The following HMCN1 variants were observed in gnomAD, a reference collection of about 807,000 sequenced individuals.
HMCN1 encodes hemicentin 1.
Under a neutral mutation model 625.9 loss-of-function variants are expected in HMCN1, and 321 were observed. That is an observed-to-expected ratio of 0.51 (90% CI 0.47 to 0.56). The LOEUF (loss-of-function observed/expected upper bound fraction) is 0.56, where lower values mean the gene tolerates loss of function less well. Among genes scored for constraint, HMCN1 ranks in the 20% least tolerant of loss-of-function variants. The probability of loss-of-function intolerance (pLI) is 0.00; values close to 1 mark genes in which losing one functional copy is unlikely to be tolerated. For synonymous variants in HMCN1, 2,425 were observed against 2,417.6 expected (o/e 1.00, Z -0.09); for missense variants, 6,588 against 6,887.3 (o/e 0.96, Z 1.54).
At chr1:185,825,171 C>T (rs764547163) in intron 1 of HMCN1, among the ~76,000 whole-genome samples, 4 of 152,008 alleles carry the variant, frequency 2.6e-5, no homozygotes, top group Non-Finnish European at 5.9e-5. Flanking sequence ...CAAACAGAAA[C>T]GCTGAGGAGG....
intron 63 of HMCN1, among the ~76,000 whole-genome samples, chr1:186,090,060 C>CA (rs1299150646): frequency 6.6e-6 from 1 of 151,806 alleles, no homozygotes; most frequent in African/African-American, 2.4e-5. Context: ...AAAACATGTA[C>CA]AAAATTGGCT....
intron 4 of HMCN1, among the ~76,000 whole-genome samples, chr1:185,881,489 G>C (rs1571494832): frequency 6.6e-6 from 1 of 152,152 alleles, no homozygotes; most frequent in East Asian, 1.9e-4. Flanking sequence ...GCTGAGTCTG[G>C]GGTCTTTATA....
chr1:186,116,445 G>A (rs1420779632), intron 75 of HMCN1, among the ~76,000 whole-genome samples: 1 of 145,550 alleles, frequency 6.9e-6, no homozygotes, highest in East Asian at 2.0e-4. Flanking sequence ...TACTTTTTTT[G>A]AAATAGATAT....
intron 4 of HMCN1, among the ~76,000 whole-genome samples, chr1:185,868,092 T>G (rs1422860568): frequency 1.3e-5 from 2 of 150,542 alleles, no homozygotes; most frequent in Non-Finnish European, 1.5e-5. Context: ...CCAAAACAAA[T>G]TGGGTTAAAT....
At chr1:186,172,737 A>G (rs1325162823) in intron 102 of HMCN1, among the ~76,000 whole-genome samples, 1 of 152,204 alleles carries the variant, frequency 6.6e-6, no homozygotes, top group Admixed American at 6.5e-5. Flanking sequence ...TACCATTCCC[A>G]TTCTCATTCC....
intron 10 of HMCN1, among the ~76,000 whole-genome samples, chr1:185,931,690 G>T (rs909412398): frequency 1.3e-5 from 2 of 152,098 alleles, no homozygotes; most frequent in South Asian, 4.1e-4. Context: ...TGCAGTAAGG[G>T]CCTACAGGGA....
chr1:186,065,091 T>C (rs1294773639), intron 48 of HMCN1, 147 bp from the exon 49 acceptor site: 8 of 616,526 alleles, frequency 1.3e-5, no homozygotes, highest in Non-Finnish European at 2.0e-5. Context: ...TAAGTTAGCT[T>C]GCATAGTTAT....
intron 36 of HMCN1, among the ~76,000 whole-genome samples, chr1:186,028,016 T>C (rs1032542494): frequency 6.6e-6 from 1 of 152,160 alleles, no homozygotes; most frequent in African/African-American, 2.4e-5. Flanking sequence ...ACTCTAAGAT[T>C]TTCTTGGTAT....
chr1:185,811,376 C>T (rs1312080995), intron 1 of HMCN1, among the ~76,000 whole-genome samples: 3 of 151,878 alleles, frequency 2.0e-5, no homozygotes, highest in Non-Finnish European at 4.4e-5. Context: ...AGGTGATTCT[C>T]ATAAAAGTGT....
At chr1:186,150,945 G>A (rs1271318204) in intron 93 of HMCN1, among the ~76,000 whole-genome samples, 1 of 151,868 alleles carries the variant, frequency 6.6e-6, no homozygotes, top group Non-Finnish European at 1.5e-5. Flanking sequence ...TGTATTCTTT[G>A]GCTTATGAAA....
At chr1:186,170,498 G>A (rs1056261339) in intron 100 of HMCN1, among the ~76,000 whole-genome samples, 2 of 152,126 alleles carry the variant, frequency 1.3e-5, no homozygotes, top group South Asian at 2.1e-4. Flanking sequence ...ACATGCACAC[G>A]TATGTTTATT....
chr1:185,745,597 A>T (rs1005046294), intron 1 of HMCN1, among the ~76,000 whole-genome samples: 19 of 152,306 alleles, frequency 1.2e-4, no homozygotes, highest in African/African-American at 4.6e-4. Context: ...AGTCATATCC[A>T]TCAGTCTCTT....
Position 186,172,095 on chromosome 1 carries a change from A to G in HMCN1, c.15778A>G (p.Asn5260Asp), listed in dbSNP as rs758157151. 3.7e-6 allele frequency: 6 copies of G among 1,613,784 alleles called. No individual in the cohort carries two copies. Among genetic ancestry groups the G allele is most frequent in the South Asian group, 1.1e-5 (1 of 91,068 alleles). The change falls in exon 102 of 107, where the codon AAT (asparagine) becomes GAT (aspartate). Residue 5260 changes from asparagine (N) to aspartate (D), a missense_variant. By Grantham distance (23) the Asn-to-Asp change is conservative (BLOSUM62 1). Coordinates refer to ENST00000271588, the MANE Select transcript of HMCN1 (RefSeq NM_031935.3). ...GGYKCIDLCP[N>D]GMTKAENGTC... ...CTATAAGTGCATTGATCTTTGTCCA[A>G]ATGGAATGACCAAGGCAGAAAATGG... is the stretch of plus-strand genomic sequence containing the variant.
At chr1:185,940,272 A>G in intron 11 of HMCN1, among the ~76,000 whole-genome samples, 1 of 152,228 alleles carries the variant, frequency 6.6e-6, no homozygotes, top group East Asian at 1.9e-4. Flanking sequence ...ATAAAATAAG[A>G]TGATACTCAG....
intron 6 of HMCN1, among the ~76,000 whole-genome samples, chr1:185,920,294 C>T (rs1358572789): frequency 6.6e-6 from 1 of 151,822 alleles, no homozygotes; most frequent in Non-Finnish European, 1.5e-5. Context: ...TTTCCGTTAC[C>T]CTGGTTAGCC....
intron 6 of HMCN1, among the ~76,000 whole-genome samples, chr1:185,917,057 C>T (rs1350518780): frequency 6.6e-6 from 1 of 152,160 alleles, no homozygotes; most frequent in Non-Finnish European, 1.5e-5. Context: ...CATAATGACT[C>T]ATGGAGAGTC....
intron 4 of HMCN1, among the ~76,000 whole-genome samples, chr1:185,898,513 AC>A (rs1481022412): frequency 2.0e-5 from 3 of 152,122 alleles, no homozygotes; most frequent in Admixed American, 2.0e-4. Flanking sequence ...TAGAAGTACC[AC>A]CTACATCAAG....
chr1:186,058,078 G>A (rs774539139), intron 46 of HMCN1, among the ~76,000 whole-genome samples: 3 of 151,926 alleles, frequency 2.0e-5, no homozygotes, highest in Admixed American at 6.6e-5. Context: ...GTGATTGAAG[G>A]CATCAAAATT....
chr1:185,859,147 T>C (rs1244993108), intron 2 of HMCN1, among the ~76,000 whole-genome samples: 2 of 151,860 alleles, frequency 1.3e-5, no homozygotes, highest in Non-Finnish European at 2.9e-5. Context: ...TGTGTGTGTG[T>C]GTGTGTGTGT....
Sources: gnomAD v4.1 joint callset for allele counts (sites outside exome capture counted in the v4.1 genomes callset) on GRCh38, gnomAD v4.1.1 for gene constraint, MANE v1.5 for transcripts, NCBI Gene and HGNC (gene_info 2026-07-23, HGNC 2026-07-21) for gene names.